MYO1B: variants seen among roughly 807,000 people sequenced by gnomAD.
MYO1B encodes unconventional myosin-Ib.
Under a neutral mutation model 159.7 loss-of-function variants are expected in MYO1B, and 72 were observed. That is an observed-to-expected ratio of 0.45 (90% CI 0.37 to 0.55). The LOEUF (loss-of-function observed/expected upper bound fraction) is 0.55, where lower values mean the gene tolerates loss of function less well. Among genes scored for constraint, MYO1B ranks in the 20% least tolerant of loss-of-function variants. The pLI is 0.00. For missense variants in MYO1B, 1,062 were observed against 1,364.8 expected (o/e 0.78, Z 3.50); for synonymous variants, 468 against 473.8 (o/e 0.99, Z 0.16).
At chr2:191,257,427 A>C (rs1463821380) in intron 1 of MYO1B, among the ~76,000 whole-genome samples, 2 of 152,208 alleles carry the variant, frequency 1.3e-5, no homozygotes, top group Non-Finnish European at 2.9e-5. Flanking sequence ...TATATGTCAG[A>C]ATTTTTGAAC....
chr2:191,364,506 T>C (rs1693872311), intron 11 of MYO1B, among the ~76,000 whole-genome samples: 1 of 119,612 alleles, frequency 8.4e-6, no homozygotes, highest in Non-Finnish European at 1.7e-5. Flanking sequence ...ACAAGTGCTG[T>C]AGCAAACTAG....
chr2:191,326,813 T>TGCGC (rs1264705830), intron 3 of MYO1B, among the ~76,000 whole-genome samples: 51 of 144,090 alleles, frequency 3.5e-4, no homozygotes, highest in Middle Eastern at 3.6e-3. Context: ...TGTGTGTGTG[T>TGCGC]GTGCGCGCGC....
At chr2:191,360,222 C>T (rs1693574705) in intron 7 of MYO1B, among the ~76,000 whole-genome samples, 1 of 152,096 alleles carries the variant, frequency 6.6e-6, no homozygotes, top group Non-Finnish European at 1.5e-5. Context: ...AAACACTAAG[C>T]ACATAATAAG....
intron 1 of MYO1B, among the ~76,000 whole-genome samples, chr2:191,247,669 C>G (rs1231822630): frequency 6.6e-6 from 1 of 152,234 alleles, no homozygotes; most frequent in Non-Finnish European, 1.5e-5. Context: ...GGACTTTTCA[C>G]TTATGCTGTG....
chr2:191,337,428 G>C (rs1691926453), intron 4 of MYO1B, among the ~76,000 whole-genome samples: 1 of 152,156 alleles, frequency 6.6e-6, no homozygotes, highest in Non-Finnish European at 1.5e-5. Context: ...ACTGTCATCT[G>C]TACTTCCTTT....
intron 1 of MYO1B, among the ~76,000 whole-genome samples, chr2:191,260,585 G>A (rs1686752388): frequency 6.6e-6 from 1 of 152,004 alleles, no homozygotes; most frequent in Non-Finnish European, 1.5e-5. Flanking sequence ...TTACCATTTA[G>A]CTACTTACAA....
intron 27 of MYO1B, among the ~76,000 whole-genome samples, chr2:191,413,475 A>G (rs956768760): frequency 7.9e-5 from 12 of 152,234 alleles, no homozygotes; most frequent in Non-Finnish European, 1.6e-4. Context: ...TGTATTGCCT[A>G]CTTAGAACCA....
At chr2:191,292,368 A>G (rs914885542) in intron 2 of MYO1B, among the ~76,000 whole-genome samples, 1 of 152,180 alleles carries the variant, frequency 6.6e-6, no homozygotes, top group African/African-American at 2.4e-5. Context: ...TGATTGGGAC[A>G]TTTTAGGCAG....
At chr2:191,352,888 G>A (rs1005265698) in intron 7 of MYO1B, among the ~76,000 whole-genome samples, 6 of 152,172 alleles carry the variant, frequency 3.9e-5, no homozygotes, top group African/African-American at 1.4e-4. Context: ...GCTTCTTGTA[G>A]CGTAGAAAAG....
In MYO1B at chr2:191,363,851, G is replaced by A. The variant is rs1484302675; in HGVS notation, c.889G>A (p.Glu297Lys). ...CGAATCTCGAGTGAATGGTCTAGAT[G>A]AAAGCAAAATCAAAGATAAAAATGG... ...KPESRVNGLD[E>K]SKIKDKNELK... is the part of the protein sequence containing the mutation. The change falls in exon 10 of 31, where the codon GAA becomes AAA. Residue 297 changes from glutamate (E) to lysine (K), a missense_variant. Transcript: ENST00000392318. 1 of 1,613,844 alleles carries A rather than the reference G, an allele frequency of 6.2e-7. No homozygotes were observed. Among genetic ancestry groups the A allele is most frequent in the Admixed American group, 1.7e-5 (1 of 59,970 alleles).
intron 7 of MYO1B, among the ~76,000 whole-genome samples, chr2:191,358,967 A>C (rs189117223): frequency 1.3e-5 from 2 of 152,370 alleles, no homozygotes; most frequent in African/African-American, 4.8e-5. Context: ...TCGTGCATGA[A>C]TGGATGAAGT....
intron 11 of MYO1B, among the ~76,000 whole-genome samples, chr2:191,365,683 AC>A (rs1374770944): frequency 6.6e-6 from 1 of 152,154 alleles, no homozygotes. Context: ...GTTAGGGAAG[AC>A]CCCATGGAAA....
chr2:191,278,815 A>G (rs1460550101), intron 2 of MYO1B, among the ~76,000 whole-genome samples: 1 of 152,238 alleles, frequency 6.6e-6, no homozygotes, highest in East Asian at 1.9e-4. Flanking sequence ...GTATGCTCTG[A>G]TATCAAATAA....
rs1348666224 is a variant in MYO1B, at chr2:191,425,282, T to C, written c.*1322T>C. On this transcript the variant is annotated 3_prime_UTR_variant, in exon 31 of 31. Coordinates refer to ENST00000392318, the MANE Select transcript of MYO1B (RefSeq NM_001130158.3). ...TTATATGTTCTCTGTGTAACTGAAT[T>C]TCACTTATCTTTTATAAACCAGAAA... is the stretch of plus-strand genomic sequence containing the variant. The C allele has an allele frequency of 6.6e-6, 1 of 152,178 alleles. No individual in the cohort carries two copies. Among genetic ancestry groups the C allele is most frequent in the Non-Finnish European group, 1.5e-5 (1 of 68,026 alleles). The allele number at this position is 152,178 out of a possible 1,614,324, so 9.4% of individuals were successfully genotyped here.
chr2:191,266,952 A>G (rs1687180193), intron 1 of MYO1B, among the ~76,000 whole-genome samples: 1 of 152,180 alleles, frequency 6.6e-6, no homozygotes, highest in Non-Finnish European at 1.5e-5. Flanking sequence ...GCTGTCTTTC[A>G]GTCCTTAATC....
intron 30 of MYO1B, among the ~76,000 whole-genome samples, chr2:191,416,990 G>C (rs4853593): frequency 0.17 from 25,687 of 152,212 alleles, 5,193 homozygotes; most frequent in African/African-American, 0.48. Flanking sequence ...GTGTTTTGGA[G>C]AAATCTGAGT....
intron 1 of MYO1B, among the ~76,000 whole-genome samples, chr2:191,253,064 A>AAAAAAAC (rs1284607712): frequency 1.3e-5 from 2 of 151,972 alleles, no homozygotes; most frequent in East Asian, 1.9e-4. Flanking sequence ...TAAGTTGGAA[A>AAAAAAAC]AAAAAACAAA....
intron 2 of MYO1B, among the ~76,000 whole-genome samples, chr2:191,292,551 A>T (rs538887312): frequency 1.2e-4 from 19 of 152,018 alleles, no homozygotes; most frequent in Non-Finnish European, 2.2e-4. Context: ...ACACAGATAA[A>T]ACCTCCAGAT....
At chr2:191,290,363 A>G (rs1688623035) in intron 2 of MYO1B, among the ~76,000 whole-genome samples, 1 of 152,222 alleles carries the variant, frequency 6.6e-6, no homozygotes, top group Non-Finnish European at 1.5e-5. Context: ...GAGAAGAGTC[A>G]TTGCTTCCGC....
Sources: allele counts gnomAD v4.1 joint callset (sites outside exome capture counted in the v4.1 genomes callset), GRCh38; gene constraint gnomAD v4.1.1; transcripts MANE v1.5; gene names NCBI Gene and HGNC (gene_info 2026-07-23, HGNC 2026-07-21).